Variants in PDE4D observed in about 807,000 individuals in gnomAD.
PDE4D encodes the protein 3',5'-cyclic-AMP phosphodiesterase 4D.
In PDE4D, 24 loss-of-function variants were observed where a neutral mutation model predicts 87.4. The ratio of observed to expected loss-of-function variants is 0.27; its 90% CI spans 0.20 to 0.39. PDE4D has a LOEUF of 0.39. PDE4D is among the 10% of genes least tolerant of loss of function. The pLI is 1.00. For missense variants in PDE4D, 714 were observed against 1,041.0 expected (o/e 0.69, Z 4.32); for synonymous variants, 384 against 383.2 (o/e 1.00, Z -0.02).
intron 1 of PDE4D, among the ~76,000 whole-genome samples, chr5:60,378,466 T>C (rs1379593202): frequency 6.6e-6 from 1 of 152,112 alleles, no homozygotes; most frequent in Non-Finnish European, 1.5e-5. Context: ...TTAATATGAG[T>C]GACACAAATT....
chr5:60,445,356 T>A (rs1745566333), intron 1 of PDE4D, among the ~76,000 whole-genome samples: 1 of 152,202 alleles, frequency 6.6e-6, no homozygotes, highest in Non-Finnish European at 1.5e-5. Context: ...ATTATGTTTT[T>A]TCAAGGTAAA....
rs1554082853 is a variant in PDE4D, at chr5:59,156,320, A to AATATATATATATATAT, written c.808+24274_808+24275insATATATATATATATAT. On this transcript the variant is annotated intron_variant, in intron 5 of 14. Transcript: ENST00000340635. ...CTAGAGACTTGCCAGAAAAAAAAAA[A>AATATATATATATATAT]ATATATATATATGTGTGTGTGTGTG... 2.7e-3 allele frequency among the ~76,000 whole-genome samples: 223 copies of AATATATATATATATAT among 81,728 alleles called. 5 individuals carry two copies. Among genetic ancestry groups the AATATATATATATATAT allele is most frequent in the Non-Finnish European group, 4.1e-3 (171 of 41,904 alleles). The allele number at this position is 81,728 out of a possible 152,430, so 53.6% of individuals were successfully genotyped here. A position where few individuals can be genotyped will look rare whatever the true frequency, so the allele number is the denominator to read the frequency against.
chr5:59,874,457 C>T (rs1748264082), intron 1 of PDE4D, among the ~76,000 whole-genome samples: 1 of 152,046 alleles, frequency 6.6e-6, no homozygotes, highest in African/African-American at 2.4e-5. Flanking sequence ...ATTGAGGAAA[C>T]AATTTTCACT....
chr5:59,791,913 A>C (rs907983095), intron 1 of PDE4D, among the ~76,000 whole-genome samples: 3 of 152,214 alleles, frequency 2.0e-5, no homozygotes, highest in Middle Eastern at 3.2e-3. Flanking sequence ...AGACAAAACG[A>C]GAGAATGTGT....
chr5:60,245,427 C>A (rs769654690), intron 1 of PDE4D, among the ~76,000 whole-genome samples: 1 of 151,740 alleles, frequency 6.6e-6, no homozygotes, highest in Non-Finnish European at 1.5e-5. Flanking sequence ...CAATCCCACT[C>A]CTAGGTATAT....
rs150430178 is a variant in PDE4D, at chr5:60,414,529, T to C, written c.-90+73413A>G. On this transcript the variant is annotated intron_variant, in intron 1 of 16. Transcript: ENST00000502484. ...ATTATAAAAATTCTCCCTGGCATCATTCCAAGGGACATATATAAGTTAAAG... is the reference window on the plus strand; with the variant it reads ...ATTATAAAAATTCTCCCTGGCATCACTCCAAGGGACATATATAAGTTAAAG... 2.5e-3 allele frequency among the ~76,000 whole-genome samples: 384 copies of C among 152,324 alleles called. 2 individuals are homozygous for C. Among genetic ancestry groups the C allele is most frequent in the African/African-American group, 8.9e-3 (372 of 41,574 alleles).
At chr5:60,420,753 C>T (rs1045075621) in intron 1 of PDE4D, among the ~76,000 whole-genome samples, 2 of 152,186 alleles carry the variant, frequency 1.3e-5, no homozygotes, top group Admixed American at 6.5e-5. Flanking sequence ...GGCATCGCCT[C>T]ACCTGGGAAG....
At chr5:59,087,721 C>T (rs548773516) in intron 5 of PDE4D, among the ~76,000 whole-genome samples, 1 of 152,102 alleles carries the variant, frequency 6.6e-6, no homozygotes, top group Non-Finnish European at 1.5e-5. Flanking sequence ...TCACTCCTTC[C>T]CCATCACCTA....
intron 1 of PDE4D, among the ~76,000 whole-genome samples, chr5:59,405,300 T>C (rs960587503): frequency 2.6e-5 from 4 of 152,342 alleles, no homozygotes; most frequent in African/African-American, 9.6e-5. Context: ...TTCACTTCTT[T>C]CAGTAAGTTA....
At chr5:60,017,787 T>C (rs546182731) in intron 2 of PDE4D, among the ~76,000 whole-genome samples, 26 of 152,336 alleles carry the variant, frequency 1.7e-4, no homozygotes, top group African/African-American at 6.3e-4. Context: ...AATAGAATGA[T>C]TTATATTCCT....
At chr5:59,233,955 A>G (rs1755795896) in intron 1 of PDE4D, among the ~76,000 whole-genome samples, 1 of 152,136 alleles carries the variant, frequency 6.6e-6, no homozygotes, top group African/African-American at 2.4e-5. Flanking sequence ...CCTCAGGATG[A>G]CCAAATTCAT....
At chr5:59,637,037 TA>T (rs2150173897) in intron 1 of PDE4D, among the ~76,000 whole-genome samples, 1 of 152,108 alleles carries the variant, frequency 6.6e-6, no homozygotes, top group Admixed American at 6.5e-5. Flanking sequence ...ACAAGGAACT[TA>T]AACAAATTTA....
At position 58,973,577 on chromosome 5, in the gene PDE4D, G is replaced by A. The variant is rs1407602451; in HGVS notation, c.*1087C>T. 5 of 152,700 alleles carry A rather than the reference G, an allele frequency of 3.3e-5. No homozygotes were observed. The East Asian group carries it at 9.6e-4, about 29-fold the overall frequency. 9.5% of individuals were successfully genotyped at this position (152,700 alleles called of 1,614,324 possible). ...AGTAGGAAAACATCTAAAAAAGACT[G>A]ACCATTTTAGCTACTGGGTATTTAT... is the stretch of plus-strand genomic sequence containing the variant. On this transcript the variant is annotated 3_prime_UTR_variant, in exon 15 of 15. Coordinates refer to ENST00000340635, the MANE Select transcript of PDE4D (RefSeq NM_001104631.2).
intron 1 of PDE4D, among the ~76,000 whole-genome samples, chr5:59,777,674 A>G (rs1367691148): frequency 6.6e-6 from 1 of 152,210 alleles, no homozygotes; most frequent in Non-Finnish European, 1.5e-5. Context: ...AATACAGCAA[A>G]AGAAGGCAAT....
chr5:59,062,289 A>C (rs1013293149), intron 5 of PDE4D, among the ~76,000 whole-genome samples: 1 of 152,100 alleles, frequency 6.6e-6, no homozygotes, highest in South Asian at 2.1e-4. Flanking sequence ...CTCTAAAACC[A>C]GTATTTAGTT....
intron 1 of PDE4D, among the ~76,000 whole-genome samples, chr5:59,782,764 A>G (rs935187727): frequency 7.2e-5 from 11 of 152,248 alleles, no homozygotes; most frequent in African/African-American, 2.7e-4. Flanking sequence ...ATAGTAAATG[A>G]TAAGCAATTT....
Position 60,015,900 on chromosome 5 carries a change from T to TG in PDE4D, c.43-27184_43-27183insC, listed in dbSNP as rs569922830. ...CAAATGAACCAATTCTTTTTTTTTT[T>TG]TTTTTGAGACAGAGTCTTACTCAGT... is the stretch of plus-strand genomic sequence containing the variant. On this transcript the variant is annotated intron_variant, in intron 2 of 16. Coordinates refer to the PDE4D transcript ENST00000502484. Among the ~76,000 whole-genome samples, 355 of 151,946 alleles carry TG rather than the reference T, an allele frequency of 2.3e-3. 1 individual carries two copies. Among genetic ancestry groups the TG allele is most frequent in the Admixed American group, 5.6e-3 (86 of 15,250 alleles).
intron 1 of PDE4D, among the ~76,000 whole-genome samples, chr5:59,475,311 T>A (rs1215820962): frequency 1.3e-5 from 2 of 152,096 alleles, no homozygotes; most frequent in African/African-American, 4.8e-5. Context: ...TATAGCTTTA[T>A]TCAGATTCTC....
intron 1 of PDE4D, among the ~76,000 whole-genome samples, chr5:60,305,820 TATACACACAC>T (rs1034237837): frequency 6.6e-6 from 1 of 151,742 alleles, no homozygotes; most frequent in Non-Finnish European, 1.5e-5. Context: ...TACATGTGTG[TATACACACAC>T]ATACACACAC....
Sources: allele counts gnomAD v4.1 joint callset (sites outside exome capture counted in the v4.1 genomes callset), GRCh38; gene constraint gnomAD v4.1.1; transcripts MANE v1.5; gene names NCBI Gene and HGNC (gene_info 2026-07-23, HGNC 2026-07-21).